The following NLRP4 variants were observed in gnomAD, a reference collection of about 807,000 sequenced individuals.
The protein encoded by NLRP4 is NACHT, LRR and PYD domains-containing protein 4.
A neutral mutation model predicts 84.7 loss-of-function variants in NLRP4; 44 were observed. The ratio of observed to expected loss-of-function variants is 0.52; its 90% CI spans 0.41 to 0.67. The LOEUF is 0.67. NLRP4 is among the 30% of genes least tolerant of loss of function. NLRP4 has a pLI of 0.00. For synonymous variants in NLRP4, 544 were observed against 476.4 expected (o/e 1.14, Z -1.85); for missense variants, 1,260 against 1,219.4 (o/e 1.03, Z -0.50).
chr19:55,858,096 G>A lies in NLRP4; in HGVS notation c.703G>A (p.Glu235Lys). 6.2e-7 allele frequency: 1 copy of A among 1,614,202 alleles called. No homozygotes were observed. Among genetic ancestry groups the A allele is most frequent in the Non-Finnish European group, 8.5e-7 (1 of 1,180,024 alleles). Residue 235 changes from glutamate (E) to lysine (K), a missense_variant, in exon 3 of 10, where the codon GAG (glutamate) becomes AAG (lysine). This residue lies in a region of NLRP4 where 712 missense variants were observed against 669.2 expected (regional missense o/e 1.06). Coordinates refer to ENST00000301295, the MANE Select transcript of NLRP4 (RefSeq NM_134444.5). This position sits in a 1 kb window ranked among gnomAD's most constrained non-coding sequence, Gnocchi z 4.2. ...RLLFVIDSFE[E>K]LQGGLNEPDS... ...CTTGTTCGTCATCGACAGCTTCGAA[G>A]AGCTGCAGGGCGGCTTGAACGAACC...
At chr19:55,860,018 C>A in intron 3 of NLRP4, among the ~76,000 whole-genome samples, 1 of 101,494 alleles carries the variant, frequency 9.9e-6, no homozygotes, top group Admixed American at 1.2e-4. Flanking sequence ...TGGAGTTTTG[C>A]TTTGTCACCC....
At chr19:55,859,416 T>C (rs376559091) in intron 3 of NLRP4, among the ~76,000 whole-genome samples, 167 bp downstream of exon 3, 2 of 152,176 alleles carry the variant, frequency 1.3e-5, no homozygotes, top group African/African-American at 4.8e-5. Context: ...TCTTAGACTT[T>C]GTCTGTGAGC....
At chr19:55,842,275 C>T (rs1457192766) in intron 1 of NLRP4, among the ~76,000 whole-genome samples, 1 of 152,178 alleles carries the variant, frequency 6.6e-6, no homozygotes, top group Non-Finnish European at 1.5e-5. Context: ...GGCAATTATT[C>T]TGTGTAATTA....
At chr19:55,853,169 G>A (rs1277009491) in intron 2 of NLRP4, among the ~76,000 whole-genome samples, 1 of 152,174 alleles carries the variant, frequency 6.6e-6, no homozygotes, top group Non-Finnish European at 1.5e-5. Flanking sequence ...CGTTATCAAT[G>A]GCAGGATATA....
chr19:55,855,682 C>T (rs142821149), intron 2 of NLRP4, among the ~76,000 whole-genome samples: 98 of 152,372 alleles, frequency 6.4e-4, no homozygotes, highest in African/African-American at 2.3e-3. Context: ...TTCCCATCTA[C>T]AACTGCCCCC....
intron 8 of NLRP4, among the ~76,000 whole-genome samples, chr19:55,878,505 A>AGCCATC (rs763711192): frequency 4.2e-5 from 3 of 71,974 alleles, no homozygotes; most frequent in Admixed American, 1.4e-4. Flanking sequence ...CTTTTTTTGG[A>AGCCATC]TAATATGTTA....
chr19:55,869,784 T>TAA lies in NLRP4; in HGVS notation c.2355-1032_2355-1031dup, dbSNP rs11405884. ...TTTTTTCAAAGTCAACATGGATCCT[T>TAA]AAAAAAAAAAAATTCATAAACTGGC... On this transcript the variant is annotated intron_variant, in intron 6 of 9. Transcript: ENST00000301295. Among the ~76,000 whole-genome samples, 146 of 148,416 alleles carry TAA rather than the reference T, an allele frequency of 9.8e-4. 1 individual carries two copies. The highest frequency in any genetic ancestry group is 1.8e-3 in the African/African-American group (73 of 40,402).
intron 1 of NLRP4, among the ~76,000 whole-genome samples, chr19:55,841,114 G>C (rs1464310592): frequency 3.9e-5 from 6 of 152,158 alleles, no homozygotes; most frequent in African/African-American, 7.2e-5. Context: ...TATCATATCT[G>C]TTTGTTTAGA....
At chr19:55,843,480 C>T (rs1275686093) in intron 1 of NLRP4, among the ~76,000 whole-genome samples, 1 of 151,808 alleles carries the variant, frequency 6.6e-6, no homozygotes, top group Non-Finnish European at 1.5e-5. Context: ...CTCCTGAGGT[C>T]AGGAGTTCGA....
intron 7 of NLRP4, among the ~76,000 whole-genome samples, chr19:55,874,175 G>A (rs540004380): frequency 4.6e-5 from 7 of 152,106 alleles, no homozygotes; most frequent in Non-Finnish European, 8.8e-5. Flanking sequence ...CATATTAAAA[G>A]TGATGTAATA....
At chr19:55,844,373 G>A (rs887349195) in intron 1 of NLRP4, among the ~76,000 whole-genome samples, 8 of 152,010 alleles carry the variant, frequency 5.3e-5, no homozygotes, top group African/African-American at 1.9e-4. Flanking sequence ...AACCTCCCGG[G>A]TTCAAGCAAT....
chr19:55,841,689 C>T (rs1335961905), intron 1 of NLRP4, among the ~76,000 whole-genome samples: 4 of 151,902 alleles, frequency 2.6e-5, no homozygotes, highest in Non-Finnish European at 5.9e-5. Context: ...GGTGAAACCC[C>T]ATCTCTATTA....
intron 7 of NLRP4, among the ~76,000 whole-genome samples, chr19:55,874,251 T>C (rs898354421): frequency 1.1e-4 from 16 of 152,196 alleles, no homozygotes; most frequent in Admixed American, 8.5e-4. Context: ...TTTAGCCATA[T>C]ATCAAACATC....
chr19:55,859,926 CAAAAAAAA>C (rs1166037425), intron 3 of NLRP4, among the ~76,000 whole-genome samples: 10 of 17,500 alleles, frequency 5.7e-4, no homozygotes, highest in East Asian at 1.9e-3. Flanking sequence ...CTCTCATCTC[CAAAAAAAA>C]AAAAAAAAAA....
chr19:55,873,713 C>G (rs748467971), intron 7 of NLRP4, among the ~76,000 whole-genome samples: 6 of 152,112 alleles, frequency 3.9e-5, no homozygotes, highest in Non-Finnish European at 7.4e-5. Flanking sequence ...CTGTATGAAT[C>G]AGACAAAATA....
At position 55,841,448 on chromosome 19, in the gene NLRP4, T is replaced by C. The variant is rs536295227; in HGVS notation, c.-66+4514T>C. On this transcript the variant is annotated intron_variant, in intron 1 of 9. Coordinates refer to ENST00000301295, the MANE Select transcript of NLRP4 (RefSeq NM_134444.5). Reference sequence around the variant, plus strand: ...CCACGTTCATCCAGGTTGCCACAAATGGCAAGATTTCATTATTTTTTATGG... The same window carrying C: ...CCACGTTCATCCAGGTTGCCACAAACGGCAAGATTTCATTATTTTTTATGG... Among the ~76,000 whole-genome samples, 4 of 152,366 alleles carry C rather than the reference T, an allele frequency of 2.6e-5. No individual in the cohort carries two copies. In the East Asian group the frequency reaches 7.7e-4, roughly 29 times the overall value.
chr19:55,842,261 T>C (rs949734106), intron 1 of NLRP4, among the ~76,000 whole-genome samples: 2 of 152,230 alleles, frequency 1.3e-5, no homozygotes, highest in African/African-American at 2.4e-5. Context: ...CTCTGTACCA[T>C]TGAGGCAATT....
intron 1 of NLRP4, among the ~76,000 whole-genome samples, chr19:55,849,068 GTC>G (rs1983917089): frequency 1.3e-5 from 2 of 152,170 alleles, no homozygotes. Context: ...CTTGGGTAAT[GTC>G]TCTATCAGCA....
chr19:55,846,420 A>C (rs1255276153), intron 1 of NLRP4, among the ~76,000 whole-genome samples: 3 of 152,070 alleles, frequency 2.0e-5, no homozygotes, highest in Non-Finnish European at 4.4e-5. Flanking sequence ...CACTGTCTCC[A>C]CATCAAGAAA....
Sources: allele counts gnomAD v4.1 joint callset (sites outside exome capture counted in the v4.1 genomes callset), GRCh38; gene constraint gnomAD v4.1.1; regional missense constraint gnomAD v4.1.1; non-coding constraint Gnocchi (gnomAD v3.1); transcripts MANE v1.5; gene names NCBI Gene and HGNC (gene_info 2026-07-23, HGNC 2026-07-21).